GPM6B: variants seen among roughly 807,000 people sequenced by gnomAD.
The protein encoded by GPM6B is glycoprotein M6B, also known as neuronal membrane glycoprotein M6-b.
Under a neutral mutation model 27.2 loss-of-function variants are expected in GPM6B, and 4 were observed. That is an observed-to-expected ratio of 0.15 (90% CI 0.07 to 0.34). The LOEUF is 0.34. Among genes scored for constraint, GPM6B ranks in the 10% least tolerant of loss-of-function variants. The pLI is 1.00. For synonymous variants in GPM6B, 124 were observed against 103.1 expected, an observed-to-expected ratio of 1.20 and a Z score of -1.23; for missense variants, 183 against 261.9, an observed-to-expected ratio of 0.70 and a Z score of 2.08.
chrX:13,912,317 C>G (rs769095304), intron 1 of GPM6B, among the ~76,000 whole-genome samples: 1 of 111,957 alleles, frequency 8.9e-6, no homozygotes, highest in Non-Finnish European at 1.9e-5. Flanking sequence ...ATAGTTCAGA[C>G]AGCCAAGAGA....
At chrX:13,920,801 G>A (rs1920962786) in intron 1 of GPM6B, among the ~76,000 whole-genome samples, 2 of 109,286 alleles carry the variant, frequency 1.8e-5, no homozygotes, top group Middle Eastern at 4.7e-3. Context: ...TGAGGCAGGA[G>A]AATGGTGTGA....
intron 1 of GPM6B, among the ~76,000 whole-genome samples, chrX:13,829,859 ATTTTTTT>A (rs34742721): frequency 2.3e-5 from 2 of 88,477 alleles, no homozygotes; most frequent in African/African-American, 8.1e-5. Context: ...TCTGTCCTGA[ATTTTTTT>A]TTTTTTTTTT....
chrX:13,880,379 T>TAA (rs1424157203), intron 1 of GPM6B, among the ~76,000 whole-genome samples: 2 of 111,358 alleles, frequency 1.8e-5, no homozygotes, highest in East Asian at 5.7e-4. Flanking sequence ...AGTGACCATT[T>TAA]AAAAAGGCAA....
intron 4 of GPM6B, 90 bp downstream of exon 4, chrX:13,783,275 A>T: frequency 1.3e-6 from 1 of 785,156 alleles, no homozygotes; most frequent in Non-Finnish European, 1.8e-6. Flanking sequence ...CACGCTCGAT[A>T]CCTGGTAGCT....
intron 1 of GPM6B, among the ~76,000 whole-genome samples, chrX:13,924,127 C>T (rs1921055903): frequency 8.9e-6 from 1 of 111,786 alleles, no homozygotes; most frequent in Admixed American, 9.5e-5. Context: ...CACTAGCCAA[C>T]ACAGAGTACA....
intron 1 of GPM6B, among the ~76,000 whole-genome samples, chrX:13,884,919 T>C (rs1229166322): frequency 8.9e-6 from 1 of 111,985 alleles, no homozygotes; most frequent in East Asian, 2.8e-4. Context: ...TGGACTCAAA[T>C]GACACGACCC....
intron 7 of GPM6B, among the ~76,000 whole-genome samples, chrX:13,775,459 T>C (rs2048395074): frequency 8.9e-6 from 1 of 112,377 alleles, no homozygotes; most frequent in Non-Finnish European, 1.9e-5. Flanking sequence ...TTTCACATTT[T>C]TGTGCATTTT....
chrX:13,887,608 G>A (rs1014813307), intron 1 of GPM6B, among the ~76,000 whole-genome samples: 13 of 111,793 alleles, frequency 1.2e-4, no homozygotes, highest in Non-Finnish European at 2.4e-4. Flanking sequence ...AGACAAAGAT[G>A]CAAATAAATG....
At chrX:13,917,036 A>C (rs2050436754) in intron 1 of GPM6B, among the ~76,000 whole-genome samples, 2 of 110,345 alleles carry the variant, frequency 1.8e-5, no homozygotes, top group Non-Finnish European at 3.8e-5. Flanking sequence ...ACATGGCAAA[A>C]CCCCATCTCT....
chrX:13,895,990 T>C (rs1329882414), intron 1 of GPM6B, among the ~76,000 whole-genome samples: 9 of 100,666 alleles, frequency 8.9e-5, no homozygotes, highest in Non-Finnish European at 1.4e-4. Flanking sequence ...GAAAAACTTT[T>C]TTTTTTTTTT....
At chrX:13,820,530 G>A (rs1272081143), upstream of GPM6B, among the ~76,000 whole-genome samples, 6 of 110,957 alleles carry the variant, frequency 5.4e-5, no homozygotes, top group East Asian at 5.7e-4. Flanking sequence ...AGCAGCATCC[G>A]GGAGTCTTCA....
At chrX:13,849,566 G>T (rs539499860) in intron 1 of GPM6B, among the ~76,000 whole-genome samples, 1 of 112,525 alleles carries the variant, frequency 8.9e-6, no homozygotes, top group African/African-American at 3.2e-5. Flanking sequence ...TACACTAACA[G>T]TTAGCATAAT....
At chrX:13,780,512 A>C (rs2048496634) in intron 4 of GPM6B, among the ~76,000 whole-genome samples, 1 of 112,389 alleles carries the variant, frequency 8.9e-6, no homozygotes, top group South Asian at 3.7e-4. Context: ...CTCAAAAAGA[A>C]CTTTGCTAGT....
chrX:13,784,428 C>T (rs1456243758), intron 3 of GPM6B, among the ~76,000 whole-genome samples: 1 of 112,054 alleles, frequency 8.9e-6, no homozygotes, highest in Admixed American at 9.4e-5. Context: ...TCTCCCCAAC[C>T]TGTGTTCATT....
chrX:13,776,044 A>G, intron 7 of GPM6B, 194 bp downstream of exon 7: 1 of 430,599 alleles, frequency 2.3e-6, no homozygotes, highest in East Asian at 3.6e-5. Context: ...TACATCACCT[A>G]CAATCAGTGC....
chrX:13,852,995 G>A (rs899307595), intron 1 of GPM6B, among the ~76,000 whole-genome samples: 4 of 110,412 alleles, frequency 3.6e-5, no homozygotes, highest in Non-Finnish European at 5.7e-5. Context: ...ACAGCTACAG[G>A]ATAAATTTCC....
intron 1 of GPM6B, among the ~76,000 whole-genome samples, chrX:13,846,640 G>A (rs946294636): frequency 3.7e-5 from 4 of 109,133 alleles, no homozygotes; most frequent in Admixed American, 2.9e-4. Flanking sequence ...ACAGGCGCCC[G>A]CCACAATGCC....
rs145186721 is a variant in GPM6B at position 13,837,367 on chromosome X, C to T, written c.-197-51559G>A. Among the ~76,000 whole-genome samples the T allele has an allele frequency of 6.7e-3, 748 of 111,630 alleles. 10 individuals are homozygous for T. Among genetic ancestry groups the T allele is most frequent in the African/African-American group, 0.023 (701 of 30,704 alleles). On this transcript the variant is annotated intron_variant, in intron 1 of 6. Coordinates refer to the GPM6B transcript ENST00000398361. ...GGCGTGTTTATTCATTTTACACACA[C>T]GGCCTTCCCCCGAGGGGGCCGCTGA...
chrX:13,926,743 A>T (rs1273657685), intron 1 of GPM6B, among the ~76,000 whole-genome samples: 1 of 112,315 alleles, frequency 8.9e-6, no homozygotes, highest in Non-Finnish European at 1.9e-5. Flanking sequence ...CTATACCAAA[A>T]AATAGAATCC....
Sources: gnomAD v4.1 joint callset for allele counts (sites outside exome capture counted in the v4.1 genomes callset) on GRCh38, gnomAD v4.1.1 for gene constraint, MANE v1.5 for transcripts, NCBI Gene and HGNC (gene_info 2026-07-23, HGNC 2026-07-21) for gene names.